PPM1E: variants seen among roughly 807,000 people sequenced by gnomAD.
The protein encoded by PPM1E is protein phosphatase 1E.
Under a neutral mutation model 65.9 loss-of-function variants are expected in PPM1E, and 20 were observed. The observed-to-expected ratio is 0.30, with a 90% confidence interval of 0.21 to 0.44. The LOEUF (loss-of-function observed/expected upper bound fraction) is 0.44, where lower values mean the gene tolerates loss of function less well. Among genes scored for constraint, PPM1E ranks in the 20% least tolerant of loss-of-function variants. The pLI is 1.00. For missense variants in PPM1E, 713 were observed against 953.1 expected (o/e 0.75, Z 3.32); for synonymous variants, 352 against 374.9 (o/e 0.94, Z 0.70).
Position 58,882,395 on chromosome 17 carries a change from G to A in PPM1E, c.465-73254G>A, listed in dbSNP as rs183709794. ...ATACTGTCTATATTTTTAGCAACTT[G>A]CATTTTTTTTTTGAGACGGAGTTTT... On this transcript the variant is annotated intron_variant, in intron 1 of 6. Transcript: ENST00000308249. Among the ~76,000 whole-genome samples, 686 of 151,488 alleles carry A rather than the reference G, an allele frequency of 4.5e-3. 4 individuals carry two copies. The highest frequency in any genetic ancestry group is 0.016 in the African/African-American group (650 of 41,208).
chr17:58,971,590 G>A (rs1372015481), intron 4 of PPM1E, among the ~76,000 whole-genome samples: 1 of 152,176 alleles, frequency 6.6e-6, no homozygotes, highest in African/African-American at 2.4e-5. Context: ...TAGTACTCCA[G>A]GGAACGTAAG....
intron 1 of PPM1E, among the ~76,000 whole-genome samples, chr17:58,833,480 T>A (rs2050624720): frequency 1.3e-5 from 2 of 151,810 alleles, no homozygotes; most frequent in Non-Finnish European, 2.9e-5. Context: ...ACATGTGGTA[T>A]TTGGCTTTCT....
At chr17:58,945,333 G>A (rs2052134978) in intron 1 of PPM1E, among the ~76,000 whole-genome samples, 1 of 152,100 alleles carries the variant, frequency 6.6e-6, no homozygotes, top group South Asian at 2.1e-4. Flanking sequence ...AGTAGAGACG[G>A]GGTTTCATCA....
intron 1 of PPM1E, among the ~76,000 whole-genome samples, chr17:58,816,777 TATATATATATA>T (rs2050425587): frequency 6.7e-5 from 1 of 14,950 alleles, no homozygotes; most frequent in Non-Finnish European, 1.5e-4. Context: ...TATATATATA[TATATATATATA>T]TATATATTTT....
rs9894861 is a variant in PPM1E, at chr17:58,776,826, C to G, written c.464+20365C>G. Among the ~76,000 whole-genome samples, 142 of 152,158 alleles carry G rather than the reference C, an allele frequency of 9.3e-4. 1 individual carries two copies. The highest frequency in any genetic ancestry group is 3.3e-3 in the African/African-American group (139 of 41,514). On this transcript the variant is annotated intron_variant, in intron 1 of 6. Transcript: ENST00000308249. ...TCAGACTCTGTTATAATCAGGACAGCTCAGAAGAAGAGAACTAAATTAGAG... is the reference window on the plus strand; with the variant it reads ...TCAGACTCTGTTATAATCAGGACAGGTCAGAAGAAGAGAACTAAATTAGAG...
chr17:58,854,708 A>G (rs528859262), intron 1 of PPM1E, among the ~76,000 whole-genome samples: 1 of 151,528 alleles, frequency 6.6e-6, no homozygotes, highest in South Asian at 2.1e-4. Flanking sequence ...ACATTGTTTG[A>G]TTTTTCATGT....
chr17:58,965,049 TAA>T (rs57005125), intron 2 of PPM1E, among the ~76,000 whole-genome samples: 386 of 141,040 alleles, frequency 2.7e-3, no homozygotes, highest in Middle Eastern at 0.011. Context: ...CCGTCTTAAT[TAA>T]AAAAAAAAAA....
At chr17:58,884,034 G>T (rs1320496653) in intron 1 of PPM1E, among the ~76,000 whole-genome samples, 1 of 152,150 alleles carries the variant, frequency 6.6e-6, no homozygotes, top group Admixed American at 6.5e-5. Flanking sequence ...TCTGTGCATA[G>T]GGTCACTTAG....
At chr17:58,909,890 T>TCTTTCTTTCTTA (rs1491347278) in intron 1 of PPM1E, among the ~76,000 whole-genome samples, 1 of 149,582 alleles carries the variant, frequency 6.7e-6, no homozygotes, top group Admixed American at 6.7e-5. Flanking sequence ...TAGTCATTTT[T>TCTTTCTTTCTTA]CTTTCTTTCT....
chr17:58,806,410 T>C (rs2050314764), intron 1 of PPM1E, among the ~76,000 whole-genome samples: 2 of 152,054 alleles, frequency 1.3e-5, no homozygotes, highest in South Asian at 4.1e-4. Flanking sequence ...TTAGATCTGT[T>C]TTCTAACTAA....
intron 1 of PPM1E, among the ~76,000 whole-genome samples, chr17:58,771,689 C>A (rs556960246): frequency 8.0e-5 from 7 of 87,976 alleles, no homozygotes; most frequent in Non-Finnish European, 1.5e-4. Flanking sequence ...AGACAGTATT[C>A]TTTAAAAAAA....
chr17:58,809,254 TA>T (rs200310528), intron 1 of PPM1E, among the ~76,000 whole-genome samples: 2 of 152,176 alleles, frequency 1.3e-5, no homozygotes, highest in Middle Eastern at 3.4e-3. Context: ...TCTAGCTAAT[TA>T]AAAAAAATTT....
chr17:58,924,210 G>T (rs962895637), intron 1 of PPM1E, among the ~76,000 whole-genome samples: 83 of 150,436 alleles, frequency 5.5e-4, no homozygotes, highest in African/African-American at 1.9e-3. Context: ...GTGAGCCACT[G>T]TGCCTGGCCG....
At chr17:58,807,615 T>TA (rs1024311207) in intron 1 of PPM1E, among the ~76,000 whole-genome samples, 22 of 152,040 alleles carry the variant, frequency 1.4e-4, no homozygotes, top group African/African-American at 5.3e-4. Flanking sequence ...AAAGGCAATG[T>TA]AAAAAAATAC....
At chr17:58,964,660 G>A (rs1434395822) in intron 2 of PPM1E, among the ~76,000 whole-genome samples, 2 of 152,166 alleles carry the variant, frequency 1.3e-5, no homozygotes, top group African/African-American at 4.8e-5. Context: ...TTTTTCCTTA[G>A]AGTAGTATTA....
chr17:58,797,665 G>T (rs1199438267), intron 1 of PPM1E, among the ~76,000 whole-genome samples: 2 of 152,078 alleles, frequency 1.3e-5, no homozygotes, highest in Non-Finnish European at 2.9e-5. Context: ...TATTAATAAA[G>T]CTCCTATGAA....
At chr17:58,974,432 A>T (rs996835512) in intron 6 of PPM1E, among the ~76,000 whole-genome samples, 2 of 152,194 alleles carry the variant, frequency 1.3e-5, no homozygotes, top group Non-Finnish European at 2.9e-5. Context: ...GGGAAAGTCA[A>T]TGAAACTCGG....
At chr17:58,812,303 CA>C (rs35132799) in intron 1 of PPM1E, among the ~76,000 whole-genome samples, 11,143 of 49,640 alleles carry the variant, frequency 0.22, 79 homozygotes, top group Non-Finnish European at 0.29. Context: ...GACTCTGTTT[CA>C]AAAAAAAAAA....
chr17:58,911,403 A>G (rs2051626055), intron 1 of PPM1E, among the ~76,000 whole-genome samples: 1 of 152,080 alleles, frequency 6.6e-6, no homozygotes, highest in Admixed American at 6.6e-5. Flanking sequence ...ACATTTAACC[A>G]CCATTTGTGT....
Sources: gnomAD v4.1 joint callset for allele counts (sites outside exome capture counted in the v4.1 genomes callset) on GRCh38, gnomAD v4.1.1 for gene constraint, MANE v1.5 for transcripts, NCBI Gene and HGNC (gene_info 2026-07-23, HGNC 2026-07-21) for gene names.